Variants in THSD4 observed in about 807,000 individuals in gnomAD.
THSD4 encodes the protein thrombospondin type-1 domain-containing protein 4.
THSD4 carries 69 observed loss-of-function variants against 119.0 expected under a neutral mutation model. The ratio of observed to expected loss-of-function variants is 0.58; its 90% CI spans 0.48 to 0.71. The LOEUF (loss-of-function observed/expected upper bound fraction) is 0.71. Among genes scored for constraint, THSD4 ranks in the 30% least tolerant of loss-of-function variants. The probability of loss-of-function intolerance (pLI) is 0.00; values close to 1 mark genes in which losing one functional copy is unlikely to be tolerated. For missense variants in THSD4, 1,393 were observed against 1,391.1 expected (o/e 1.00, Z -0.02); for synonymous variants, 524 against 540.4 (o/e 0.97, Z 0.42).
chr15:71,429,366 T>C (rs1412880075), intron 7 of THSD4, among the ~76,000 whole-genome samples: 6 of 152,176 alleles, frequency 3.9e-5, no homozygotes, highest in African/African-American at 7.2e-5. Flanking sequence ...GAGCAGACAA[T>C]GGGTGGTAAA....
At chr15:71,262,143 A>C (rs1047466529) in intron 6 of THSD4, among the ~76,000 whole-genome samples, 1 of 152,218 alleles carries the variant, frequency 6.6e-6, no homozygotes, top group Non-Finnish European at 1.5e-5. Context: ...GCCACATAGA[A>C]TAGTAAAAGC....
At chr15:71,696,984 G>A (rs980736315) in intron 8 of THSD4, among the ~76,000 whole-genome samples, 2 of 152,192 alleles carry the variant, frequency 1.3e-5, no homozygotes, top group Non-Finnish European at 2.9e-5. Context: ...AAGCCCATGC[G>A]ACTTGAGAGG....
rs1366812440 is a variant in THSD4, at chr15:71,738,008, G to A, written c.1906+1G>A. On this transcript the variant is annotated splice_donor_variant, in intron 11 of 17. Coordinates refer to ENST00000261862, the MANE Select transcript of THSD4 (RefSeq NM_024817.3). LOFTEE classifies it high-confidence loss of function. ...GAATGTTCCACGACCTGTGGGAAAG[G>A]TGAGCCTGTGTGGGGGACGGGTGGA... The A allele has an allele frequency of 6.2e-7, 1 of 1,613,118 alleles. No homozygotes were observed. Among genetic ancestry groups the A allele is most frequent in the East Asian group, 2.2e-5 (1 of 44,860 alleles).
rs1448939574 is a variant in THSD4 at position 71,403,609 on chromosome 15, C to G, written c.1016-8078C>G. The stretch of plus-strand genomic sequence containing the variant: ...CCAAGAATGCAAGGCCCTGACCACC[C>G]TAAAATTGGATTATTTCTCAGGCTT... On this transcript the variant is annotated intron_variant, in intron 6 of 17. Transcript: ENST00000261862. Among the ~76,000 whole-genome samples the G allele has an allele frequency of 2.6e-5, 4 of 152,158 alleles. No individual in the cohort carries two copies. The East Asian group carries it at 7.7e-4, about 29-fold the overall frequency.
chr15:71,394,073 A>G (rs946382224), intron 6 of THSD4, among the ~76,000 whole-genome samples: 11 of 86,406 alleles, frequency 1.3e-4, no homozygotes, highest in Admixed American at 7.1e-4. Flanking sequence ...TATCAGATAC[A>G]CAATATTTTT....
intron 8 of THSD4, among the ~76,000 whole-genome samples, chr15:71,715,552 T>C (rs1270251216): frequency 1.3e-5 from 2 of 152,156 alleles, no homozygotes; most frequent in Non-Finnish European, 2.9e-5. Flanking sequence ...TTTTTTTTAA[T>C]GAGACCAGGT....
At chr15:71,330,890 C>G (rs2045411556) in intron 6 of THSD4, among the ~76,000 whole-genome samples, 1 of 152,226 alleles carries the variant, frequency 6.6e-6, no homozygotes, top group African/African-American at 2.4e-5. Context: ...AGACACCAGT[C>G]TACACACAGA....
At chr15:71,705,210 CA>C (rs1207565502) in intron 8 of THSD4, among the ~76,000 whole-genome samples, 1 of 152,170 alleles carries the variant, frequency 6.6e-6, no homozygotes, top group Non-Finnish European at 1.5e-5. Context: ...CACCCGGAGC[CA>C]GCCCACAGCA....
intron 8 of THSD4, among the ~76,000 whole-genome samples, chr15:71,706,962 A>G (rs1021018727): frequency 6.6e-6 from 1 of 152,004 alleles, no homozygotes; most frequent in Non-Finnish European, 1.5e-5. Context: ...GCAGAGTGGG[A>G]GATAAGAGAT....
intron 6 of THSD4, among the ~76,000 whole-genome samples, chr15:71,333,964 T>C (rs1260440521): frequency 6.6e-6 from 1 of 152,208 alleles, no homozygotes; most frequent in South Asian, 2.1e-4. Flanking sequence ...AAGCCAAATA[T>C]GTGGAATTCA....
At chr15:71,138,861 G>GGTGT (rs749382796) in intron 1 of THSD4, among the ~76,000 whole-genome samples, 1 of 148,950 alleles carries the variant, frequency 6.7e-6, no homozygotes. Flanking sequence ...GTAATTTCTT[G>GGTGT]GTGTGTGTGT....
At chr15:71,660,441 G>C (rs1312515446) in intron 7 of THSD4, 89 bp from the exon 8 acceptor site, 1 of 1,525,838 alleles carries the variant, frequency 6.6e-7, no homozygotes, top group East Asian at 2.3e-5. Context: ...AGCTAGAAAA[G>C]AAATTTCTTG....
chr15:71,690,326 T>G (rs2052019871), intron 8 of THSD4, among the ~76,000 whole-genome samples: 1 of 152,202 alleles, frequency 6.6e-6, no homozygotes, highest in Non-Finnish European at 1.5e-5. Context: ...CTGGGGTCCT[T>G]GTGGCATGCA....
At chr15:71,662,432 G>A (rs1301419252) in intron 8 of THSD4, among the ~76,000 whole-genome samples, 1 of 152,154 alleles carries the variant, frequency 6.6e-6, no homozygotes, top group African/African-American at 2.4e-5. Context: ...TAGTGTTTGT[G>A]TGTTTCCTCC....
intron 7 of THSD4, among the ~76,000 whole-genome samples, chr15:71,440,069 G>A (rs186140384): frequency 2.0e-3 from 304 of 152,172 alleles, no homozygotes; most frequent in Non-Finnish European, 3.2e-3. Flanking sequence ...CTTGAGTGCT[G>A]CCAGCCAAAA....
chr15:71,403,243 A>G (rs912425845), intron 6 of THSD4, among the ~76,000 whole-genome samples: 6 of 152,114 alleles, frequency 3.9e-5, no homozygotes, highest in East Asian at 3.9e-4. Flanking sequence ...ACATCCTCCA[A>G]TAAGGGTGCA....
At chr15:71,485,695 A>G (rs774482983) in intron 7 of THSD4, among the ~76,000 whole-genome samples, 25 of 152,212 alleles carry the variant, frequency 1.6e-4, no homozygotes, top group Admixed American at 5.9e-4. Flanking sequence ...GAAAAAAAAA[A>G]AGAGAGAGAA....
intron 7 of THSD4, among the ~76,000 whole-genome samples, chr15:71,481,988 A>G (rs2047736985): frequency 6.6e-6 from 1 of 152,232 alleles, no homozygotes; most frequent in African/African-American, 2.4e-5. Context: ...AAAGTCCAGC[A>G]ACAACATGTG....
chr15:71,517,722 C>G (rs900582218), intron 7 of THSD4, among the ~76,000 whole-genome samples: 12 of 152,218 alleles, frequency 7.9e-5, no homozygotes, highest in African/African-American at 2.9e-4. Flanking sequence ...AATTGCTTTA[C>G]TCTACTCCTC....
Sources: gnomAD v4.1 joint callset for allele counts (sites outside exome capture counted in the v4.1 genomes callset) on GRCh38, gnomAD v4.1.1 for gene constraint, MANE v1.5 for transcripts, NCBI Gene and HGNC (gene_info 2026-07-23, HGNC 2026-07-21) for gene names.